The following STK32B variants were observed in gnomAD, a reference collection of about 807,000 sequenced individuals.
STK32B encodes the protein serine/threonine-protein kinase 32B.
Under a neutral mutation model 52.6 loss-of-function variants are expected in STK32B, and 43 were observed. The ratio of observed to expected loss-of-function variants is 0.82; its 90% confidence interval spans 0.64 to 1.05. STK32B has a LOEUF of 1.05. STK32B is among the 50% of genes least tolerant of loss of function. STK32B has a pLI of 0.00. For synonymous variants in STK32B, 238 were observed against 204.3 expected (o/e 1.17, Z -1.41); for missense variants, 621 against 534.6 (o/e 1.16, Z -1.59).
intron 3 of STK32B, among the ~76,000 whole-genome samples, chr4:5,321,078 A>G (rs1315858727): frequency 1.3e-5 from 2 of 152,172 alleles, no homozygotes; most frequent in East Asian, 1.9e-4. Context: ...TGTGGTTGGC[A>G]AAAGGATTTC....
At chr4:5,109,701 TTTTCCCTATAATCTGGAATAAGACAAG>T (rs1412144202) in intron 1 of STK32B, among the ~76,000 whole-genome samples, 1 of 152,128 alleles carries the variant, frequency 6.6e-6, no homozygotes, top group East Asian at 1.9e-4. Context: ...GTTGAAAGCA[TTTTCCCTATAATCTGGAATAAGACAAG>T]TTCCACTATT....
chr4:5,487,766 G>C (rs1719358684), intron 11 of STK32B, among the ~76,000 whole-genome samples: 1 of 152,154 alleles, frequency 6.6e-6, no homozygotes. Flanking sequence ...GTCTCGTTCT[G>C]ACACCTTAGG....
At chr4:5,099,455 C>CGT (rs1560150375) in intron 1 of STK32B, among the ~76,000 whole-genome samples, 35 of 36,596 alleles carry the variant, frequency 9.6e-4, no homozygotes, top group South Asian at 6.9e-3. Context: ...TGTGTGCGCG[C>CGT]GCGCGTATGT....
At chr4:5,133,014 G>T (rs898346177) in intron 1 of STK32B, among the ~76,000 whole-genome samples, 1 of 152,032 alleles carries the variant, frequency 6.6e-6, no homozygotes, top group Non-Finnish European at 1.5e-5. Context: ...GGCTAGGCTG[G>T]CTGGAACCCC....
intron 9 of STK32B, among the ~76,000 whole-genome samples, chr4:5,462,284 GTGTC>G (rs1717091393): frequency 6.6e-6 from 1 of 151,470 alleles, no homozygotes; most frequent in Non-Finnish European, 1.5e-5. Context: ...GTGTGTGTAT[GTGTC>G]TGTGTGTGTG....
At chr4:5,336,597 G>C (rs1347342584) in intron 4 of STK32B, among the ~76,000 whole-genome samples, 12 of 152,056 alleles carry the variant, frequency 7.9e-5, no homozygotes, top group African/African-American at 2.7e-4. Context: ...GTGCTCTTAT[G>C]AATCAAAATT....
chr4:5,488,195 G>T (rs905269838), intron 11 of STK32B, among the ~76,000 whole-genome samples: 3 of 152,168 alleles, frequency 2.0e-5, no homozygotes, highest in African/African-American at 7.2e-5. Context: ...CTACTCAGGA[G>T]GCTGAGGCTG....
chr4:5,338,284 T>C (rs1364033817), intron 4 of STK32B, among the ~76,000 whole-genome samples: 5 of 152,202 alleles, frequency 3.3e-5, no homozygotes, highest in African/African-American at 1.2e-4. Context: ...GTAGTAAAGA[T>C]ATTGTTCAGC....
At chr4:5,484,545 T>C (rs1289620209) in intron 11 of STK32B, among the ~76,000 whole-genome samples, 2 of 152,230 alleles carry the variant, frequency 1.3e-5, no homozygotes, top group African/African-American at 2.4e-5. Context: ...TTTATCCAGT[T>C]TGCCAGTCTG....
chr4:5,223,922 C>A (rs796862635), intron 3 of STK32B, among the ~76,000 whole-genome samples: 11 of 151,680 alleles, frequency 7.3e-5, no homozygotes, highest in African/African-American at 2.4e-4. Context: ...TTTCCTCTTT[C>A]CTATTTCTTC....
At chr4:5,067,315 T>C (rs1015360085) in intron 1 of STK32B, among the ~76,000 whole-genome samples, 2 of 152,298 alleles carry the variant, frequency 1.3e-5, no homozygotes, top group East Asian at 3.9e-4. Context: ...GGAGCTACAA[T>C]TCAAGATGAG....
chr4:5,372,667 CA>C (rs1735325402), intron 4 of STK32B, among the ~76,000 whole-genome samples: 2 of 149,710 alleles, frequency 1.3e-5, no homozygotes, highest in South Asian at 4.2e-4. Flanking sequence ...TGTATCATTA[CA>C]GTAATAACTG....
Position 5,466,841 on chromosome 4 carries a change from G to A in STK32B, c.1041+7G>A. ...AAAGGACAGCTGCCCGCTGGTGAGTGCTTCGTGGGAGCCGTTCCGGGAGAG... is the reference window on the plus strand; with the variant it reads ...AAAGGACAGCTGCCCGCTGGTGAGTACTTCGTGGGAGCCGTTCCGGGAGAG... On this transcript the variant is annotated splice_region_variant and intron_variant, in intron 10 of 11. Coordinates refer to ENST00000282908, the MANE Select transcript of STK32B (RefSeq NM_018401.3). 1 of 1,611,732 alleles carries A rather than the reference G, an allele frequency of 6.2e-7. No homozygotes were observed. The highest frequency in any genetic ancestry group is 8.5e-7 in the Non-Finnish European group (1 of 1,179,028).
At chr4:5,102,609 G>T (rs1713868464) in intron 1 of STK32B, among the ~76,000 whole-genome samples, 1 of 150,862 alleles carries the variant, frequency 6.6e-6, no homozygotes, top group Non-Finnish European at 1.5e-5. Context: ...ATGGCTCACT[G>T]CAACCTCCGC....
At chr4:5,339,278 T>C (rs1732914562) in intron 4 of STK32B, among the ~76,000 whole-genome samples, 1 of 152,240 alleles carries the variant, frequency 6.6e-6, no homozygotes, top group Non-Finnish European at 1.5e-5. Context: ...ATTCCCATGA[T>C]AAATCTCTGT....
the STK32B span, among the ~76,000 whole-genome samples, chr4:5,034,353 A>C: frequency 2.0e-5 from 3 of 152,198 alleles, no homozygotes; most frequent in Non-Finnish European, 2.9e-5. Flanking sequence ...AATGTTTACA[A>C]AACTTGTGCC....
rs575813385 is a variant in STK32B, at chr4:5,494,674, TG to T, written c.1107-4269del. Among the ~76,000 whole-genome samples the T allele has an allele frequency of 1.5e-4, 23 of 152,338 alleles. No individual in the cohort carries two copies. In the East Asian group the frequency reaches 3.5e-3, roughly 23 times the overall value. ...TGATGCAGTTTCTTCCTAGCCTCGA[TG>T]GTCTTTACATTTTGGCATGATGTTG... On this transcript the variant is annotated intron_variant, in intron 11 of 11. Transcript: ENST00000282908.
rs150764506 is a variant in STK32B, at chr4:5,261,436, A to G, written c.261-69784A>G. Among the ~76,000 whole-genome samples, 609 of 152,282 alleles carry G rather than the reference A, an allele frequency of 4.0e-3. 4 individuals are homozygous for G. The highest frequency in any genetic ancestry group is 0.014 in the African/African-American group (568 of 41,560). On this transcript the variant is annotated intron_variant, in intron 3 of 11. Transcript: ENST00000282908. Reference sequence around the variant, plus strand: ...GAGGCCCTTAGCAAAGATGGTGGCAATGGGGATATAGAGGATTTGTGGGTA... The same window carrying G: ...GAGGCCCTTAGCAAAGATGGTGGCAGTGGGGATATAGAGGATTTGTGGGTA...
intron 1 of STK32B, among the ~76,000 whole-genome samples, chr4:5,084,473 A>T (rs977377852): frequency 6.6e-6 from 1 of 152,242 alleles, no homozygotes; most frequent in African/African-American, 2.4e-5. Context: ...AAAAAATGAT[A>T]TTTATGAAGA....
Sources: gnomAD v4.1 joint callset for allele counts (sites outside exome capture counted in the v4.1 genomes callset) on GRCh38, gnomAD v4.1.1 for gene constraint, MANE v1.5 for transcripts, NCBI Gene and HGNC (gene_info 2026-07-23, HGNC 2026-07-21) for gene names.